DNM3: variants seen among roughly 807,000 people sequenced by gnomAD.
DNM3 encodes the protein dynamin 3, also known as dynamin-3.
In DNM3, 47 loss-of-function variants were observed where a neutral mutation model predicts 101.6. The observed-to-expected ratio is 0.46, with a 90% CI of 0.37 to 0.59. The LOEUF (loss-of-function observed/expected upper bound fraction) is 0.59, where lower values mean the gene tolerates loss of function less well. DNM3 is among the 20% of genes least tolerant of loss of function. The pLI, the probability that DNM3 is intolerant of heterozygous loss-of-function variation, is 0.00. For synonymous variants in DNM3, 385 were observed against 387.9 expected, an observed-to-expected ratio of 0.99 and a Z score of 0.09; for missense variants, 849 against 1,085.7, an observed-to-expected ratio of 0.78 and a Z score of 3.06.
intron 2 of DNM3, among the ~76,000 whole-genome samples, chr1:171,931,567 C>T (rs1438414746): frequency 1.3e-5 from 2 of 152,166 alleles, no homozygotes; most frequent in Non-Finnish European, 2.9e-5. Context: ...GTGCTCTTCA[C>T]TTTCATAGGT....
At chr1:172,211,761 A>G (rs1481432265) in intron 14 of DNM3, among the ~76,000 whole-genome samples, 1 of 152,174 alleles carries the variant, frequency 6.6e-6, no homozygotes, top group East Asian at 1.9e-4. Context: ...TACACTGATT[A>G]CTAAAACTTG....
chr1:171,878,587 C>A (rs987804932), intron 1 of DNM3, among the ~76,000 whole-genome samples: 1 of 152,142 alleles, frequency 6.6e-6, no homozygotes, highest in Non-Finnish European at 1.5e-5. Flanking sequence ...AAGCCCTAAT[C>A]TATTCCCTTC....
rs376245976 is a variant in DNM3 at position 172,183,767 on chromosome 1, A to ATTTTT, written c.1659+52505_1659+52509dup. 3.2e-3 allele frequency among the ~76,000 whole-genome samples: 201 copies of ATTTTT among 62,646 alleles called. 4 individuals are homozygous for ATTTTT. Among genetic ancestry groups the ATTTTT allele is most frequent in the African/African-American group, 5.2e-3 (92 of 17,862 alleles). 41.1% of individuals were successfully genotyped at this position (62,646 alleles called of 152,430 possible). On this transcript the variant is annotated intron_variant, in intron 14 of 20. Coordinates refer to ENST00000627582, the MANE Select transcript of DNM3 (RefSeq NM_015569.5). ...AGGGTTGCACCACCATGCCCAGCTAATTTTTTTTTTTTTTTTTTTTTTTTT... is the reference window on the plus strand; with the variant it reads ...AGGGTTGCACCACCATGCCCAGCTAATTTTTTTTTTTTTTTTTTTTTTTTTTTTTT...
At chr1:171,850,978 T>C (rs1350226085) in intron 1 of DNM3, among the ~76,000 whole-genome samples, 1 of 152,112 alleles carries the variant, frequency 6.6e-6, no homozygotes, top group Non-Finnish European at 1.5e-5. Flanking sequence ...TAGTCTGGGG[T>C]GGCTTTGGTT....
chr1:172,355,145 T>G (rs1386339866), intron 17 of DNM3, among the ~76,000 whole-genome samples: 1 of 152,078 alleles, frequency 6.6e-6, no homozygotes, highest in African/African-American at 2.4e-5. Flanking sequence ...TCTGGGAGCC[T>G]GTAGAAACAT....
intron 1 of DNM3, among the ~76,000 whole-genome samples, chr1:171,874,449 T>C (rs2035574989): frequency 6.6e-6 from 1 of 152,224 alleles, no homozygotes; most frequent in South Asian, 2.1e-4. Flanking sequence ...GTAGTATCTG[T>C]GATAGTCTTA....
chr1:171,934,277 A>G (rs2041245580), intron 2 of DNM3, among the ~76,000 whole-genome samples: 1 of 152,202 alleles, frequency 6.6e-6, no homozygotes. Context: ...ACTCTTGGAC[A>G]TGTTTACCCT....
chr1:172,097,301 G>T (rs2054311765), intron 13 of DNM3, among the ~76,000 whole-genome samples: 1 of 152,050 alleles, frequency 6.6e-6, no homozygotes, highest in African/African-American at 2.4e-5. Context: ...TCTGGAGGCT[G>T]AGGCAGGAGA....
chr1:172,384,508 T>C (rs1258899643), intron 18 of DNM3, among the ~76,000 whole-genome samples: 1 of 152,220 alleles, frequency 6.6e-6, no homozygotes, highest in Non-Finnish European at 1.5e-5. Context: ...GTTTACATTA[T>C]TTGCCCAAGA....
At chr1:172,244,302 C>T (rs1427952101) in intron 14 of DNM3, among the ~76,000 whole-genome samples, 9 of 152,084 alleles carry the variant, frequency 5.9e-5, no homozygotes, top group Non-Finnish European at 7.4e-5. Context: ...TCTTTGCTAT[C>T]GTGAATAATG....
chr1:172,019,958 A>G (rs562863778), intron 4 of DNM3, among the ~76,000 whole-genome samples: 3 of 151,766 alleles, frequency 2.0e-5, no homozygotes, highest in Non-Finnish European at 4.4e-5. Context: ...CTAACATTAG[A>G]GTTAGAGTTC....
intron 14 of DNM3, among the ~76,000 whole-genome samples, chr1:172,134,117 C>T (rs2057091149): frequency 6.6e-6 from 1 of 152,118 alleles, no homozygotes; most frequent in African/African-American, 2.4e-5. Context: ...GACCATGGTC[C>T]AGGCAAGAGA....
At chr1:172,032,340 AT>A in intron 4 of DNM3, 61 bp from the exon 5 acceptor site, 1 of 1,159,172 alleles carries the variant, frequency 8.6e-7, no homozygotes. Flanking sequence ...ATTGTGACAT[AT>A]ATGTCTAAAA....
Position 172,411,747 on chromosome 1 carries a change from C to T in DNM3, c.*3906C>T. Reference sequence around the variant, plus strand: ...AGAATAAAGCCTACTAGGTCTCTAACTGTTGAACTCATGAAAGAAGATAGT... The same window carrying T: ...AGAATAAAGCCTACTAGGTCTCTAATTGTTGAACTCATGAAAGAAGATAGT... On this transcript the variant is annotated 3_prime_UTR_variant, in exon 21 of 21. Transcript: ENST00000627582. The T allele has an allele frequency of 1.0e-6, 1 of 985,288 alleles. No individual in the cohort carries two copies. Among genetic ancestry groups the T allele is most frequent in the Non-Finnish European group, 1.2e-6 (1 of 829,802 alleles). The allele number at this position is 985,288 out of a possible 1,614,324, so 61.0% of individuals were successfully genotyped here.
At chr1:171,892,172 T>C (rs74126525) in intron 1 of DNM3, among the ~76,000 whole-genome samples, 3 of 150,358 alleles carry the variant, frequency 2.0e-5, no homozygotes, top group Non-Finnish European at 4.4e-5. Flanking sequence ...TGTGTGTGTG[T>C]GCGTGTGTGT....
chr1:172,131,445 T>C (rs745715998), intron 14 of DNM3, among the ~76,000 whole-genome samples, 157 bp downstream of exon 14: 29 of 152,224 alleles, frequency 1.9e-4, no homozygotes, highest in Non-Finnish European at 3.5e-4. Context: ...TATTTTCTTA[T>C]AGATTTTAAA....
chr1:172,379,432 C>T (rs952846290), intron 18 of DNM3, among the ~76,000 whole-genome samples: 1 of 151,924 alleles, frequency 6.6e-6, no homozygotes, highest in African/African-American at 2.4e-5. Flanking sequence ...TGAGTTTGCT[C>T]ACAATAAAGC....
At chr1:171,999,921 A>AGT (rs1157664883) in intron 4 of DNM3, among the ~76,000 whole-genome samples, 1 of 152,048 alleles carries the variant, frequency 6.6e-6, no homozygotes, top group African/African-American at 2.4e-5. Flanking sequence ...CTTTGGAGGG[A>AGT]GTCAGCATGA....
intron 14 of DNM3, chr1:172,133,102 T>C (rs1486897190): frequency 1.1e-5 from 16 of 1,423,814 alleles, no homozygotes; most frequent in African/African-American, 1.4e-5. Flanking sequence ...AGCATTGACA[T>C]GTTCCTGGGT....
Sources: allele counts gnomAD v4.1 joint callset (sites outside exome capture counted in the v4.1 genomes callset), GRCh38; gene constraint gnomAD v4.1.1; transcripts MANE v1.5; gene names NCBI Gene and HGNC (gene_info 2026-07-23, HGNC 2026-07-21).